Variants in DENND1A observed in about 807,000 individuals in gnomAD.
DENND1A encodes the protein DENN domain containing 1A, also known as DENN domain-containing protein 1A.
DENND1A carries 51 observed loss-of-function variants against 113.7 expected under a neutral mutation model. That is an observed-to-expected ratio of 0.45 (90% confidence interval 0.36 to 0.57). DENND1A has a LOEUF of 0.57. DENND1A is among the 20% of genes least tolerant of loss of function. The pLI is 0.00. For missense variants in DENND1A, 1,258 were observed against 1,395.9 expected, an observed-to-expected ratio of 0.90 and a Z score of 1.57; for synonymous variants, 565 against 570.8, an observed-to-expected ratio of 0.99 and a Z score of 0.14.
chr9:123,868,833 A>G (rs748314034), intron 2 of DENND1A, among the ~76,000 whole-genome samples: 9 of 152,216 alleles, frequency 5.9e-5, no homozygotes, highest in Non-Finnish European at 1.2e-4. Context: ...AAGAAAATAT[A>G]TGGCTCACTT....
chr9:123,565,239 C>G (rs947595644), intron 12 of DENND1A, among the ~76,000 whole-genome samples: 1 of 152,146 alleles, frequency 6.6e-6, no homozygotes, highest in South Asian at 2.1e-4. Flanking sequence ...TGATCCACCC[C>G]CATTGGCCTC....
Position 123,617,004 on chromosome 9 carries a change from T to C in DENND1A, c.720-7523A>G, listed in dbSNP as rs111795233. Among the ~76,000 whole-genome samples the C allele has an allele frequency of 1.9e-3, 293 of 152,348 alleles. 3 individuals are homozygous for C. The highest frequency in any genetic ancestry group is 6.6e-3 in the African/African-American group (276 of 41,572). On this transcript the variant is annotated intron_variant, in intron 10 of 23. Coordinates refer to ENST00000394215, the MANE Select transcript of DENND1A (RefSeq NM_001352964.2). ...GGGCCTGAGATGACCTCATTTCATC[T>C]CTGCAGCAATCTTGAAAGGTGGGTC... is the stretch of plus-strand genomic sequence containing the variant.
At chr9:123,646,486 T>C (rs1022744547) in intron 9 of DENND1A, among the ~76,000 whole-genome samples, 1 of 151,938 alleles carries the variant, frequency 6.6e-6, no homozygotes, top group Non-Finnish European at 1.5e-5. Flanking sequence ...GAAGAGAAAA[T>C]AATAATAGAT....
At chr9:123,630,517 G>T in intron 9 of DENND1A, 41 bp from the exon 10 acceptor site, 1 of 1,362,508 alleles carries the variant, frequency 7.3e-7, no homozygotes, top group Non-Finnish European at 9.9e-7. Flanking sequence ...CAAATCCAAG[G>T]GAGGAGACAC....
chr9:123,572,345 C>A (rs576819822), intron 12 of DENND1A, among the ~76,000 whole-genome samples: 1 of 152,120 alleles, frequency 6.6e-6, no homozygotes, highest in Non-Finnish European at 1.5e-5. Context: ...TTTATATTAA[C>A]CAGTTGGGGG....
chr9:123,641,699 T>G (rs774207510), intron 9 of DENND1A, among the ~76,000 whole-genome samples: 3 of 152,194 alleles, frequency 2.0e-5, no homozygotes, highest in Non-Finnish European at 2.9e-5. Context: ...CGTCTCAACA[T>G]GAAAATGAGT....
rs1193371190 is a variant in DENND1A at position 123,387,801 on chromosome 9, A to G, written c.1689T>C (p.Asp563=). The stretch of plus-strand genomic sequence containing the variant: ...TCGGGCCCTCTTCCCGCTGGCATTC[A>G]TCATCAGAGGAGTCTTCGGAGAGGA... The part of the protein sequence containing the change: ...AVFLSEDSSD[D]ECQREEGPSS... The change falls in exon 22 of 24, where the codon GAT becomes GAC. Residue 563 remains aspartate (D), a synonymous_variant. Transcript: ENST00000394215. The G allele has an allele frequency of 3.1e-6, 4 of 1,289,988 alleles. No homozygotes were observed. In the South Asian group the frequency reaches 4.9e-5, roughly 16 times the overall value. 79.9% of individuals were successfully genotyped at this position (1,289,988 alleles called of 1,614,324 possible).
In DENND1A at chr9:123,897,798, T is replaced by A. The variant is rs569608367; in HGVS notation, c.18-18777A>T. Among the ~76,000 whole-genome samples the A allele has an allele frequency of 3.9e-5, 6 of 152,018 alleles. No homozygotes were observed. The South Asian group carries it at 1.2e-3, about 32-fold the overall frequency. Reference sequence around the variant, plus strand: ...GCCTGGGGAGCATAGCAAGACCCAGTCTCCACCAAAAATTTAAAAATTAGG... The same window carrying A: ...GCCTGGGGAGCATAGCAAGACCCAGACTCCACCAAAAATTTAAAAATTAGG... On this transcript the variant is annotated intron_variant, in intron 1 of 23. Transcript: ENST00000394215.
chr9:123,899,772 G>A (rs1200421348), intron 1 of DENND1A, among the ~76,000 whole-genome samples: 1 of 152,134 alleles, frequency 6.6e-6, no homozygotes, highest in African/African-American at 2.4e-5. Flanking sequence ...TTCCTATGAG[G>A]AAGTCAGACC....
chr9:123,469,596 C>T (rs1175339996), intron 13 of DENND1A, among the ~76,000 whole-genome samples: 1 of 152,174 alleles, frequency 6.6e-6, no homozygotes, highest in African/African-American at 2.4e-5. Flanking sequence ...CCTGTGGAAG[C>T]TAAGGAGACA....
chr9:123,428,385 A>G (rs1478524156), intron 19 of DENND1A, among the ~76,000 whole-genome samples: 1 of 152,230 alleles, frequency 6.6e-6, no homozygotes, highest in Non-Finnish European at 1.5e-5. Flanking sequence ...TAAACTAGGT[A>G]TTGAAAAAAT....
chr9:123,683,532 G>T (rs1434025042), intron 5 of DENND1A, among the ~76,000 whole-genome samples: 2 of 152,054 alleles, frequency 1.3e-5, no homozygotes, highest in Non-Finnish European at 2.9e-5. Flanking sequence ...AGAGTTTGTT[G>T]AGGTAAATTT....
At chr9:123,581,624 C>CA (rs113405552) in intron 12 of DENND1A, among the ~76,000 whole-genome samples, 4,842 of 136,054 alleles carry the variant, frequency 0.036, 87 homozygotes, top group African/African-American at 0.045. Context: ...GACACTGTTT[C>CA]AAAAAAAAAA....
At chr9:123,915,145 T>C (rs1174039146) in intron 1 of DENND1A, among the ~76,000 whole-genome samples, 1 of 152,110 alleles carries the variant, frequency 6.6e-6, no homozygotes, top group East Asian at 1.9e-4. Context: ...TGCTGTTTTG[T>C]ACAAATATAT....
chr9:123,566,942 A>ACACACACAAAC lies in DENND1A; in HGVS notation c.868-9248_868-9247insGTTTGTGTGTG, dbSNP rs1554883243. ...ACACACACACACACACACACACACA[A>ACACACACAAAC]ACACACACACACAATTAATGTAGCT... On this transcript the variant is annotated intron_variant, in intron 12 of 23. Transcript: ENST00000394215. Among the ~76,000 whole-genome samples the ACACACACAAAC allele has an allele frequency of 1.4e-4, 10 of 73,072 alleles. No homozygotes were observed. The East Asian group carries it at 2.1e-3, about 16-fold the overall frequency. 47.9% of individuals were successfully genotyped at this position (73,072 alleles called of 152,430 possible). A position where few individuals can be genotyped will look rare whatever the true frequency, so the allele number is the denominator to read the frequency against.
intron 1 of DENND1A, among the ~76,000 whole-genome samples, chr9:123,893,659 T>C (rs1480120227): frequency 1.3e-5 from 2 of 152,220 alleles, no homozygotes; most frequent in Non-Finnish European, 2.9e-5. Context: ...CCACATGACA[T>C]ACTGTGAGGG....
intron 18 of DENND1A, among the ~76,000 whole-genome samples, chr9:123,450,123 A>G (rs2047604078): frequency 1.3e-5 from 2 of 150,916 alleles, no homozygotes; most frequent in South Asian, 2.1e-4. Flanking sequence ...ACTTTTACTG[A>G]CGGCTGGTGA....
intron 11 of DENND1A, among the ~76,000 whole-genome samples, chr9:123,584,355 G>T (rs2059063264): frequency 6.6e-6 from 1 of 152,214 alleles, no homozygotes; most frequent in Non-Finnish European, 1.5e-5. Context: ...CATGCTGCAT[G>T]TGGCTGCGCA....
chr9:123,435,443 G>A (rs901760514), intron 19 of DENND1A, among the ~76,000 whole-genome samples: 1 of 152,174 alleles, frequency 6.6e-6, no homozygotes. Context: ...TGGAAGCCAC[G>A]GTGGTGCTTG....
Sources: allele counts gnomAD v4.1 joint callset (sites outside exome capture counted in the v4.1 genomes callset), GRCh38; gene constraint gnomAD v4.1.1; transcripts MANE v1.5; gene names NCBI Gene and HGNC (gene_info 2026-07-23, HGNC 2026-07-21).